The following ST7L variants were observed in gnomAD, a reference collection of about 807,000 sequenced individuals.
ST7L encodes the protein suppression of tumorigenicity 7 like.
ST7L carries 57 observed loss-of-function variants against 72.5 expected under a neutral mutation model. That is an observed-to-expected ratio of 0.79 (90% CI 0.64 to 0.98). The LOEUF is 0.98. ST7L is among the 50% of genes least tolerant of loss of function. ST7L has a pLI of 0.00. For synonymous variants in ST7L, 221 were observed against 240.9 expected, an observed-to-expected ratio of 0.92 and a Z score of 0.77; for missense variants, 576 against 672.2, an observed-to-expected ratio of 0.86 and a Z score of 1.58.
intron 11 of ST7L, among the ~76,000 whole-genome samples, chr1:112,575,824 T>C (rs1663011185): frequency 6.6e-6 from 1 of 152,370 alleles, no homozygotes; most frequent in Admixed American, 6.5e-5. Context: ...CAGTGTCACT[T>C]AATGAGAGAA....
chr1:112,518,518 G>C (rs1271766047), downstream of ST7L: 1 of 152,124 alleles, frequency 6.6e-6, no homozygotes, highest in Non-Finnish European at 1.5e-5. Flanking sequence ...TAGGGTGCTA[G>C]AAGAAAAAAA....
intron 9 of ST7L, 26 bp from the exon 10 acceptor site, chr1:112,578,443 T>C (rs747260110): frequency 2.9e-5 from 46 of 1,605,642 alleles, no homozygotes; most frequent in Non-Finnish European, 3.7e-5. Context: ...TCAATTTAGG[T>C]AGGAATTACA....
At chr1:112,612,748 G>A (rs1669268885) in intron 2 of ST7L, among the ~76,000 whole-genome samples, 1 of 152,054 alleles carries the variant, frequency 6.6e-6, no homozygotes, top group African/African-American at 2.4e-5. Context: ...ACTAAGAAGT[G>A]AGATAAAACT....
At chr1:112,538,809 C>A (rs2101338354) in intron 14 of ST7L, among the ~76,000 whole-genome samples, 1 of 152,296 alleles carries the variant, frequency 6.6e-6, no homozygotes, top group Non-Finnish European at 1.5e-5. Flanking sequence ...ATAAAGGTAG[C>A]AACAACAGCT....
At chr1:112,519,556 C>T (rs1652744763), downstream of ST7L, among the ~76,000 whole-genome samples, 1 of 152,114 alleles carries the variant, frequency 6.6e-6, no homozygotes, top group Admixed American at 6.6e-5. Flanking sequence ...AGGTTCTAAG[C>T]ATTCCCTATG....
At chr1:112,581,876 T>C (rs1664180258) in intron 9 of ST7L, 116 bp downstream of exon 9, 1 of 759,414 alleles carries the variant, frequency 1.3e-6, no homozygotes, top group Non-Finnish European at 2.2e-6. Flanking sequence ...CTCTGAGTGC[T>C]AAATACTGAC....
intron 11 of ST7L, among the ~76,000 whole-genome samples, chr1:112,562,750 G>A (rs1373015560): frequency 6.6e-6 from 1 of 152,170 alleles, no homozygotes; most frequent in Non-Finnish European, 1.5e-5. Context: ...ATACTAAAAG[G>A]TTGGTCCTTA....
chr1:112,537,426 T>TACAACA (rs1342491940), intron 14 of ST7L, among the ~76,000 whole-genome samples: 2 of 152,248 alleles, frequency 1.3e-5, no homozygotes, highest in Admixed American at 6.5e-5. Context: ...TTCACTGTTG[T>TACAACA]GATAATACCT....
chr1:112,584,972 C>T (rs565057778), intron 6 of ST7L, among the ~76,000 whole-genome samples: 1 of 152,286 alleles, frequency 6.6e-6, no homozygotes, highest in South Asian at 2.1e-4. Flanking sequence ...CATGCTGTCC[C>T]ATCCACACAT....
At chr1:112,535,702 G>A (rs1308002209) in intron 14 of ST7L, among the ~76,000 whole-genome samples, 1 of 151,354 alleles carries the variant, frequency 6.6e-6, no homozygotes, top group Admixed American at 6.6e-5. Context: ...CTGCCTGGGT[G>A]AGAGAGTGAG....
chr1:112,546,849 A>G (rs1657160719), intron 13 of ST7L, among the ~76,000 whole-genome samples: 1 of 151,842 alleles, frequency 6.6e-6, no homozygotes, highest in African/African-American at 2.4e-5. Flanking sequence ...TACATAACTT[A>G]AAAATATATC....
intron 11 of ST7L, among the ~76,000 whole-genome samples, chr1:112,558,998 G>C (rs1157325481): frequency 6.6e-6 from 1 of 152,162 alleles, no homozygotes; most frequent in Non-Finnish European, 1.5e-5. Context: ...TGAGTTTTCA[G>C]AAGAAAACTG....
At chr1:112,573,695 C>T (rs576748940) in intron 11 of ST7L, among the ~76,000 whole-genome samples, 6 of 151,900 alleles carry the variant, frequency 3.9e-5, no homozygotes, top group Non-Finnish European at 8.8e-5. Flanking sequence ...ACAAATTATT[C>T]CACAGAATAA....
intron 5 of ST7L, 33 bp downstream of exon 5, chr1:112,597,938 A>G (rs1450480133): frequency 6.8e-7 from 1 of 1,462,140 alleles, no homozygotes; most frequent in Non-Finnish European, 9.3e-7. Context: ...CTTCATGATC[A>G]CTGTTTATAC....
intron 14 of ST7L, chr1:112,528,234 A>G (rs1653781803): frequency 1.3e-5 from 2 of 152,242 alleles, no homozygotes; most frequent in South Asian, 4.1e-4. Context: ...GGGAACTGGT[A>G]TGTGCTGAAA....
At chr1:112,586,674 A>G (rs939802794) in intron 6 of ST7L, among the ~76,000 whole-genome samples, 1 of 152,168 alleles carries the variant, frequency 6.6e-6, no homozygotes, top group African/African-American at 2.4e-5. Flanking sequence ...GATTTGTTCA[A>G]AAGTATTTTA....
intron 11 of ST7L, among the ~76,000 whole-genome samples, chr1:112,567,828 A>C (rs1661293715): frequency 6.6e-6 from 1 of 152,164 alleles, no homozygotes; most frequent in Non-Finnish European, 1.5e-5. Context: ...TGTTTTTTAT[A>C]GTAATTATTT....
At chr1:112,519,263 A>G, downstream of ST7L, among the ~76,000 whole-genome samples, 2 of 152,336 alleles carry the variant, frequency 1.3e-5, no homozygotes. Context: ...CACTATATGA[A>G]TATGTATATT....
intron 14 of ST7L, chr1:112,526,900 A>G (rs1653528983): frequency 6.6e-6 from 1 of 152,242 alleles, no homozygotes; most frequent in Admixed American, 6.5e-5. Context: ...GGCCTGGCAA[A>G]GGTCCTGGGA....
Sources: allele counts gnomAD v4.1 joint callset (sites outside exome capture counted in the v4.1 genomes callset), GRCh38; gene constraint gnomAD v4.1.1; transcripts MANE v1.5; gene names NCBI Gene and HGNC (gene_info 2026-07-23, HGNC 2026-07-21).